The following SNX5 variants were observed in gnomAD, a reference collection of about 807,000 sequenced individuals.
SNX5 encodes sorting nexin-5.
In SNX5, 31 loss-of-function variants were observed where a neutral mutation model predicts 53.9. The observed-to-expected ratio is 0.58, with a 90% confidence interval of 0.43 to 0.78. SNX5 has a LOEUF of 0.78. Among genes scored for constraint, SNX5 ranks in the 30% least tolerant of loss-of-function variants. The probability of loss-of-function intolerance (pLI) is 0.00; values close to 1 mark genes in which losing one functional copy is unlikely to be tolerated. For missense variants in SNX5, 471 were observed against 478.8 expected (o/e 0.98, Z 0.15); for synonymous variants, 168 against 171.1 (o/e 0.98, Z 0.14).
rs771676150 is a variant in SNX5, at chr20:17,950,117, T to C, written c.791+15A>G. The stretch of plus-strand genomic sequence containing the variant: ...TCAATTGGGTTAGGGGAAATGCTTT[T>C]CCAAAAAAACTTACTTTTTGATGAC... On this transcript the variant is annotated intron_variant, in intron 8 of 12. Coordinates refer to ENST00000377759, the MANE Select transcript of SNX5 (RefSeq NM_014426.4). The C allele has an allele frequency of 3.7e-6, 6 of 1,612,790 alleles. No individual in the cohort carries two copies. The highest frequency in any genetic ancestry group is 3.3e-5 in the South Asian group (3 of 91,054).
chr20:17,967,244 AATCCATT>A (rs1359905863), intron 1 of SNX5, among the ~76,000 whole-genome samples: 1 of 152,160 alleles, frequency 6.6e-6, no homozygotes, highest in Non-Finnish European at 1.5e-5. Flanking sequence ...CCAAAATCCC[AATCCATT>A]ATCTACCCTT....
At chr20:17,949,008 C>G (rs2122358775) in intron 9 of SNX5, 32 bp from the exon 10 acceptor site, 1 of 1,608,716 alleles carries the variant, frequency 6.2e-7, no homozygotes, top group Middle Eastern at 1.9e-4. Context: ...ACCATCAAGG[C>G]AGAAAGCTAT....
At chr20:17,962,043 C>T (rs2035461820) in intron 1 of SNX5, 2 of 933,628 alleles carry the variant, frequency 2.1e-6, no homozygotes, top group Non-Finnish European at 2.6e-6. Flanking sequence ...TCTCAGGAAA[C>T]AATGTTCCCA....
intron 1 of SNX5, among the ~76,000 whole-genome samples, chr20:17,963,901 TTC>T (rs1482297385): frequency 1.2e-5 from 1 of 81,684 alleles, no homozygotes; most frequent in Non-Finnish European, 2.5e-5. Context: ...GGTTGGACAT[TTC>T]TTTCACTCTT....
At chr20:17,947,708 G>A in intron 10 of SNX5, 63 bp from the exon 11 acceptor site, 1 of 1,413,214 alleles carries the variant, frequency 7.1e-7, no homozygotes, top group Non-Finnish European at 9.6e-7. Context: ...AATAGCCCAA[G>A]TGCCAATGTA....
Position 17,943,090 on chromosome 20 carries a change from C to T in SNX5, c.1164+20G>A. ...AAAAAACCATAAAAGATGTTGGCTT[C>T]ATCTGTAGAAAACACTTACCCTGGC... On this transcript the variant is annotated intron_variant, in intron 12 of 12. Coordinates refer to ENST00000377759, the MANE Select transcript of SNX5 (RefSeq NM_014426.4). 1 of 1,497,010 alleles carries T rather than the reference C, an allele frequency of 6.7e-7. No individual in the cohort carries two copies. The highest frequency in any genetic ancestry group is 9.3e-7 in the Non-Finnish European group (1 of 1,075,704). 92.7% of individuals were successfully genotyped at this position (1,497,010 alleles called of 1,614,324 possible).
intron 2 of SNX5, among the ~76,000 whole-genome samples, chr20:17,956,128 C>T (rs1448195511): frequency 6.6e-6 from 1 of 151,796 alleles, no homozygotes; most frequent in African/African-American, 2.4e-5. Context: ...CAACTTATGA[C>T]AAAGAAGAAA....
intron 1 of SNX5, among the ~76,000 whole-genome samples, chr20:17,957,967 G>A (rs1052100043): frequency 1.4e-4 from 19 of 132,818 alleles, no homozygotes; most frequent in African/African-American, 5.5e-4. Context: ...TGGAAATTGA[G>A]AGGAAAAAAA....
chr20:17,961,672 A>ATATG (rs1437449328), intron 1 of SNX5: 4 of 984,548 alleles, frequency 4.1e-6, no homozygotes, highest in African/African-American at 3.5e-5. Context: ...AAAGCAGAAG[A>ATATG]TATGTACTTA....
intron 1 of SNX5, among the ~76,000 whole-genome samples, chr20:17,964,798 G>A (rs1337031663): frequency 6.6e-6 from 1 of 152,102 alleles, no homozygotes; most frequent in Non-Finnish European, 1.5e-5. Flanking sequence ...AATAAAGACA[G>A]AAAAATGCTG....
intron 3 of SNX5, among the ~76,000 whole-genome samples, chr20:17,955,018 A>T (rs1440271488): frequency 1.3e-5 from 2 of 152,166 alleles, no homozygotes; most frequent in Non-Finnish European, 2.9e-5. Context: ...ACTTTTGAGA[A>T]ATCTTATCAC....
chr20:17,955,578 T>C, intron 2 of SNX5, 103 bp from the exon 3 acceptor site: 1 of 708,444 alleles, frequency 1.4e-6, no homozygotes. Context: ...TACATCATAA[T>C]ATGATCCAGT....
At chr20:17,960,958 T>C (rs73898725) in intron 1 of SNX5, among the ~76,000 whole-genome samples, 1,806 of 152,322 alleles carry the variant, frequency 0.012, 32 homozygotes, top group African/African-American at 0.04. Context: ...CATGATGTAC[T>C]TCCCTACCAG....
chr20:17,960,573 G>A (rs1469586396), intron 1 of SNX5, among the ~76,000 whole-genome samples: 6 of 149,692 alleles, frequency 4.0e-5, no homozygotes, highest in South Asian at 2.1e-4. Flanking sequence ...CAGCCTGGGC[G>A]ATGAGAGCGA....
intron 4 of SNX5, among the ~76,000 whole-genome samples, chr20:17,953,145 G>A (rs562606575): frequency 5.3e-5 from 8 of 152,306 alleles, no homozygotes; most frequent in African/African-American, 1.9e-4. Context: ...CCTAACGGTA[G>A]AAACTTGGAT....
intron 5 of SNX5, among the ~76,000 whole-genome samples, chr20:17,952,334 A>T (rs6111755): frequency 0.25 from 38,515 of 152,198 alleles, 5,542 homozygotes; most frequent in East Asian, 0.44. Flanking sequence ...GGAATTGTTA[A>T]GAAATTAACT....
At position 17,950,130 on chromosome 20, in the gene SNX5, ACT is replaced by A; in HGVS notation, c.791_791+1del. On this transcript the variant is annotated splice_donor_variant and coding_sequence_variant, in exon 8 of 13. Coordinates refer to ENST00000377759, the MANE Select transcript of SNX5 (RefSeq NM_014426.4). LOFTEE classifies it high-confidence loss of function. ...GGGAAATGCTTTTCCAAAAAAACTT[ACT>A]TTTTGATGACTGTGGGCTCTTCTAA... 6.2e-7 allele frequency: 1 copy of A among 1,613,942 alleles called. No individual in the cohort carries two copies. Among genetic ancestry groups the A allele is most frequent in the Non-Finnish European group, 8.5e-7 (1 of 1,179,822 alleles).
At chr20:17,964,849 A>AGTTCCCCTCT (rs1456531872) in intron 1 of SNX5, among the ~76,000 whole-genome samples, 5 of 152,202 alleles carry the variant, frequency 3.3e-5, no homozygotes, top group Admixed American at 2.0e-4. Context: ...CTGCAGCACA[A>AGTTCCCCTCT]GAAACTCAGG....
At chr20:17,942,530 CCTTCT>C in intron 12 of SNX5, 123 bp from the exon 13 acceptor site, 2 of 743,192 alleles carry the variant, frequency 2.7e-6, no homozygotes, top group Middle Eastern at 2.4e-4. Context: ...GCAAGCTGGC[CCTTCT>C]CTTCATCAAA....
Sources: allele counts gnomAD v4.1 joint callset (sites outside exome capture counted in the v4.1 genomes callset), GRCh38; gene constraint gnomAD v4.1.1; transcripts MANE v1.5; gene names NCBI Gene and HGNC (gene_info 2026-07-23, HGNC 2026-07-21).